Variants in DLAT observed in about 807,000 individuals in gnomAD.
The protein encoded by DLAT is dihydrolipoyllysine-residue acetyltransferase component of pyruvate dehydrogenase complex, mitochondrial.
A neutral mutation model predicts 68.0 loss-of-function variants in DLAT; 43 were observed. That is an observed-to-expected ratio of 0.63 (90% CI 0.50 to 0.81). DLAT has a LOEUF of 0.81. DLAT is among the 40% of genes least tolerant of loss of function. The pLI is 0.00. For synonymous variants in DLAT, 265 were observed against 288.6 expected, an observed-to-expected ratio of 0.92 and a Z score of 0.83; for missense variants, 745 against 815.4, an observed-to-expected ratio of 0.91 and a Z score of 1.05.
At position 112,028,932 on chromosome 11, in the gene DLAT, C is replaced by G; in HGVS notation, c.647C>G (p.Pro216Arg). Reference sequence around the variant, plus strand: ...GCTCAGGCTCCTGGTAGCTCATATCCCCCTCACATGCAGGTGAGGCTCAGC... The same window carrying G: ...GCTCAGGCTCCTGGTAGCTCATATCGCCCTCACATGCAGGTGAGGCTCAGC... ...PSAQAPGSSYPPHMQVLLPAL... is the reference protein window; with the variant it reads ...PSAQAPGSSYRPHMQVLLPAL... The change falls in exon 4 of 14, where the codon CCC (proline) becomes CGC (arginine). Residue 216 changes from proline (P) to arginine (R), a missense_variant. Physicochemically the swap from Pro to Arg is moderately radical, Grantham distance 103. Transcript: ENST00000280346. The G allele has an allele frequency of 1.2e-6, 2 of 1,614,118 alleles. No individual in the cohort carries two copies. The highest frequency in any genetic ancestry group is 1.7e-6 in the Non-Finnish European group (2 of 1,180,050).
intron 11 of DLAT, among the ~76,000 whole-genome samples, chr11:112,052,993 G>A (rs1446103713): frequency 6.6e-6 from 1 of 152,062 alleles, no homozygotes; most frequent in Non-Finnish European, 1.5e-5. Context: ...GCAACATGGG[G>A]ACAAAGACCA....
chr11:112,041,251 C>T (rs1863037981), intron 7 of DLAT, among the ~76,000 whole-genome samples: 1 of 152,088 alleles, frequency 6.6e-6, no homozygotes, highest in Non-Finnish European at 1.5e-5. Context: ...ATAAGTTAAC[C>T]AGTGCCTGTA....
intron 6 of DLAT, among the ~76,000 whole-genome samples, chr11:112,038,564 G>C (rs1862889951): frequency 6.6e-6 from 1 of 151,568 alleles, no homozygotes; most frequent in South Asian, 2.1e-4. Flanking sequence ...AAATTAGCTG[G>C]CTGGGTGTGG....
At position 112,025,673 on chromosome 11, in the gene DLAT, C is replaced by T. The variant is rs782216130; in HGVS notation, c.201C>T (p.Ala67=). The T allele has an allele frequency of 6.2e-7, 1 of 1,613,118 alleles. No individual in the cohort carries two copies. The highest frequency in any genetic ancestry group is 1.1e-5 in the South Asian group (1 of 91,064). ...ALCGWTPSSG[A]TPRNRLLLQL... is the part of the protein sequence containing the mutation. ...GCGGCTGGACCCCCAGTTCTGGGGC[C>T]ACGCCGCGGAACCGCTTACTGCTGC... The change falls in exon 1 of 14, where the codon GCC becomes GCT. Residue 67 remains alanine (A), a synonymous_variant. Transcript: ENST00000280346.
intron 9 of DLAT, 90 bp downstream of exon 9, chr11:112,045,320 G>C: frequency 9.1e-7 from 1 of 1,093,604 alleles, no homozygotes. Flanking sequence ...ATTAACAGAG[G>C]CTTTTTAAGT....
intron 13 of DLAT, among the ~76,000 whole-genome samples, chr11:112,061,960 G>A (rs781843291): frequency 6.6e-5 from 10 of 152,058 alleles, no homozygotes; most frequent in Non-Finnish European, 1.3e-4. Context: ...TAAAAAATAC[G>A]AAATTCTTCA....
rs1862315041 is a variant in DLAT at position 112,030,100 on chromosome 11, T to TA, written c.660+1156dup. Reference sequence around the variant, plus strand: ...TCGTCTGCGAATGTCTCCTGGTAAATACTGGCGACTCCAGTACCATCTCCA... The same window carrying TA: ...TCGTCTGCGAATGTCTCCTGGTAAATAACTGGCGACTCCAGTACCATCTCCA... On this transcript the variant is annotated intron_variant, in intron 4 of 13. Transcript: ENST00000280346. 5.1e-6 allele frequency: 4 copies of TA among 785,026 alleles called. No homozygotes were observed. The South Asian group carries it at 5.3e-5, about 10-fold the overall frequency. 48.6% of individuals were successfully genotyped at this position (785,026 alleles called of 1,614,324 possible).
At position 112,063,775 on chromosome 11, in the gene DLAT, A is replaced by G. The variant is rs1864785635; in HGVS notation, c.*1240A>G. 1 of 156,484 alleles carries G rather than the reference A, an allele frequency of 6.4e-6. No individual in the cohort carries two copies. The highest frequency in any genetic ancestry group is 2.0e-4 in the South Asian group (1 of 4,884). 9.7% of individuals were successfully genotyped at this position (156,484 alleles called of 1,614,324 possible). ...CCTTTCTTTTGGAAGGAAGGAGGCG[A>G]TATTCTGGATTATAAAAATGAATTG... On this transcript the variant is annotated 3_prime_UTR_variant, in exon 14 of 14. Coordinates refer to ENST00000280346, the MANE Select transcript of DLAT (RefSeq NM_001931.5).
intron 13 of DLAT, 113 bp downstream of exon 13, chr11:112,061,287 A>T (rs1864604625): frequency 9.1e-7 from 1 of 1,099,528 alleles, no homozygotes; most frequent in East Asian, 2.4e-5. Context: ...ATCGTGATCC[A>T]CAATGCTCAA....
chr11:112,043,884 A>C (rs1555181218), intron 8 of DLAT, among the ~76,000 whole-genome samples: 1 of 152,228 alleles, frequency 6.6e-6, no homozygotes, highest in Non-Finnish European at 1.5e-5. Context: ...AGGAAATAAT[A>C]ATAAGGACAA....
Position 112,028,920 on chromosome 11 carries a change from G to C in DLAT, c.635G>C (p.Gly212Ala). 1.2e-6 allele frequency: 2 copies of C among 1,614,092 alleles called. No individual in the cohort carries two copies. Among genetic ancestry groups the C allele is most frequent in the Non-Finnish European group, 1.7e-6 (2 of 1,180,032 alleles). ...SPPTPSAQAPGSSYPPHMQVL... is the reference protein window; with the variant it reads ...SPPTPSAQAPASSYPPHMQVL... Reference sequence around the variant, plus strand: ...CCTACACCTTCTGCTCAGGCTCCTGGTAGCTCATATCCCCCTCACATGCAG... The same window carrying C: ...CCTACACCTTCTGCTCAGGCTCCTGCTAGCTCATATCCCCCTCACATGCAG... The change falls in exon 4 of 14, where the codon GGT becomes GCT. Residue 212 changes from glycine to alanine, a missense_variant. Gly to Ala is a moderately conservative substitution (Grantham distance 60). Coordinates refer to ENST00000280346, the MANE Select transcript of DLAT (RefSeq NM_001931.5).
rs9822 is a variant in DLAT at position 112,063,783 on chromosome 11, G to C, written c.*1248G>C. The stretch of plus-strand genomic sequence containing the variant: ...TTGGAAGGAAGGAGGCGATATTCTG[G>C]ATTATAAAAATGAATTGGGAACATT... On this transcript the variant is annotated 3_prime_UTR_variant, in exon 14 of 14. Coordinates refer to ENST00000280346, the MANE Select transcript of DLAT (RefSeq NM_001931.5). The C allele has an allele frequency of 0.31, 49,439 of 158,256 alleles. 8,802 individuals are homozygous for C. The highest frequency in any genetic ancestry group is 0.58 in the East Asian group (3,188 of 5,492). 9.8% of individuals were successfully genotyped at this position (158,256 alleles called of 1,614,324 possible).
intron 13 of DLAT, 175 bp downstream of exon 13, chr11:112,061,349 C>T (rs1864611093): frequency 1.5e-6 from 1 of 659,862 alleles, no homozygotes; most frequent in Non-Finnish European, 2.6e-6. Flanking sequence ...ACACATTATT[C>T]TGTATACTTT....
chr11:112,054,555 G>A (rs1863886161), intron 11 of DLAT, among the ~76,000 whole-genome samples: 1 of 152,146 alleles, frequency 6.6e-6, no homozygotes, highest in Non-Finnish European at 1.5e-5. Flanking sequence ...AGGAGATTCA[G>A]AAACCATTAA....
intron 2 of DLAT, among the ~76,000 whole-genome samples, chr11:112,027,500 C>T (rs370830942): frequency 0.3 from 45,459 of 149,608 alleles, 7,410 homozygotes; most frequent in East Asian, 0.56. Flanking sequence ...GACGGGGTGG[C>T]AGCCGGGCAG....
At chr11:112,033,260 C>A in intron 4 of DLAT, 144 bp from the exon 5 acceptor site, 1 of 929,998 alleles carries the variant, frequency 1.1e-6, no homozygotes, top group Admixed American at 2.1e-5. Flanking sequence ...TGGTGGGAAG[C>A]TATTGAGGTG....
intron 2 of DLAT, among the ~76,000 whole-genome samples, chr11:112,027,205 GTC>G: frequency 6.7e-6 from 1 of 149,124 alleles, no homozygotes; most frequent in South Asian, 2.1e-4. Flanking sequence ...CAGGCGGAGG[GTC>G]TCTTCACTTC....
rs1179929627 is a variant in DLAT at position 112,043,632 on chromosome 11, T to G, written c.1197+99T>G. The G allele has an allele frequency of 4.5e-6, 5 of 1,105,660 alleles. No homozygotes were observed. The African/African-American group carries it at 6.2e-5, about 14-fold the overall frequency. The allele number at this position is 1,105,660 out of a possible 1,614,324, so 68.5% of individuals were successfully genotyped here. On this transcript the variant is annotated intron_variant, in intron 8 of 13. Transcript: ENST00000280346. ...ATGAACGAAATAGCTCAACCAAGAT[T>G]GTTTTCTTCTAATTTCAGTGGTTTA...
chr11:112,039,029 C>T (rs1862917988), intron 6 of DLAT, among the ~76,000 whole-genome samples: 1 of 152,036 alleles, frequency 6.6e-6, no homozygotes, highest in South Asian at 2.1e-4. Flanking sequence ...GGTAACTGTT[C>T]TGTCTTTGAT....
Sources: allele counts gnomAD v4.1 joint callset (sites outside exome capture counted in the v4.1 genomes callset), GRCh38; gene constraint gnomAD v4.1.1; transcripts MANE v1.5; gene names NCBI Gene and HGNC (gene_info 2026-07-23, HGNC 2026-07-21).